The following TSHZ2 variants were observed in gnomAD, a reference collection of about 807,000 sequenced individuals.
TSHZ2 encodes teashirt zinc finger homeobox 2.
Under a neutral mutation model 74.4 loss-of-function variants are expected in TSHZ2, and 21 were observed. The ratio of observed to expected loss-of-function variants is 0.28; its 90% CI spans 0.20 to 0.41. The LOEUF (loss-of-function observed/expected upper bound fraction) is 0.41. Among genes scored for constraint, TSHZ2 ranks in the 10% least tolerant of loss-of-function variants. The probability of loss-of-function intolerance (pLI) is 1.00; values close to 1 mark genes in which losing one functional copy is unlikely to be tolerated. For missense variants in TSHZ2, 1,244 were observed against 1,293.5 expected, an observed-to-expected ratio of 0.96 and a Z score of 0.59; for synonymous variants, 540 against 515.3, an observed-to-expected ratio of 1.05 and a Z score of -0.65.
At chr20:53,245,244 T>C (rs570854533) in intron 1 of TSHZ2, among the ~76,000 whole-genome samples, 1 of 152,338 alleles carries the variant, frequency 6.6e-6, no homozygotes, top group Non-Finnish European at 1.5e-5. Context: ...TCAGTAATTT[T>C]CCCAAGATTG....
intron 1 of TSHZ2, among the ~76,000 whole-genome samples, chr20:53,218,821 A>T (rs975806114): frequency 2.6e-5 from 4 of 152,212 alleles, no homozygotes; most frequent in Non-Finnish European, 4.4e-5. Context: ...ATTCTAAAAT[A>T]TTCATATTTA....
intron 1 of TSHZ2, among the ~76,000 whole-genome samples, chr20:53,112,780 C>T (rs116599127): frequency 0.022 from 3,343 of 152,326 alleles, 116 homozygotes; most frequent in African/African-American, 0.076. Context: ...ATTTCAGCCT[C>T]CCAAAGTGCT....
chr20:53,053,827 C>A (rs1376465365), intron 1 of TSHZ2, among the ~76,000 whole-genome samples: 1 of 152,150 alleles, frequency 6.6e-6, no homozygotes, highest in Non-Finnish European at 1.5e-5. Context: ...GTGTTAGTGG[C>A]AAGTTTATCA....
intron 1 of TSHZ2, among the ~76,000 whole-genome samples, chr20:53,105,028 A>G (rs1986322860): frequency 6.6e-6 from 1 of 152,196 alleles, no homozygotes; most frequent in South Asian, 2.1e-4. Context: ...TCCTAATGCC[A>G]AAGGACGAAG....
At chr20:53,300,890 T>C (rs1462863763) in intron 2 of TSHZ2, among the ~76,000 whole-genome samples, 2 of 152,216 alleles carry the variant, frequency 1.3e-5, no homozygotes, top group East Asian at 3.8e-4. Context: ...TTTGTTTATA[T>C]GGATCAAATA....
chr20:53,468,368 G>A (rs1985623725), intron 2 of TSHZ2, among the ~76,000 whole-genome samples: 1 of 152,076 alleles, frequency 6.6e-6, no homozygotes, highest in African/African-American at 2.4e-5. Flanking sequence ...TGTGCTTTAT[G>A]GAAAAGATTT....
intron 2 of TSHZ2, among the ~76,000 whole-genome samples, chr20:53,363,251 C>T (rs1175634479): frequency 6.6e-6 from 1 of 152,230 alleles, no homozygotes; most frequent in Non-Finnish European, 1.5e-5. Flanking sequence ...AGCTGTGCTT[C>T]CTGGGATCAT....
At chr20:53,077,659 A>T (rs1474947646) in intron 1 of TSHZ2, among the ~76,000 whole-genome samples, 1 of 152,200 alleles carries the variant, frequency 6.6e-6, no homozygotes, top group Non-Finnish European at 1.5e-5. Context: ...AGTCACACAG[A>T]CAGGGTAGTG....
chr20:53,004,301 A>T (rs1051904586), intron 1 of TSHZ2, among the ~76,000 whole-genome samples: 4 of 152,180 alleles, frequency 2.6e-5, no homozygotes, highest in Non-Finnish European at 5.9e-5. Context: ...TTTAGCTGTA[A>T]TTCATTGTGT....
intron 1 of TSHZ2, among the ~76,000 whole-genome samples, chr20:53,180,011 C>T (rs1314275919): frequency 6.6e-6 from 1 of 152,178 alleles, no homozygotes. Context: ...CGCATTTCAC[C>T]AGATGCATAT....
chr20:53,146,106 A>T (rs538989785), intron 1 of TSHZ2, among the ~76,000 whole-genome samples: 1 of 152,006 alleles, frequency 6.6e-6, no homozygotes, highest in Non-Finnish European at 1.5e-5. Context: ...GAGCTTGTGG[A>T]ATACAGATGA....
intron 1 of TSHZ2, among the ~76,000 whole-genome samples, chr20:53,090,292 A>G (rs1392960538): frequency 1.3e-5 from 2 of 152,172 alleles, no homozygotes; most frequent in African/African-American, 2.4e-5. Context: ...ACTGACTCCA[A>G]TGTTAATCTC....
At chr20:53,008,767 C>A (rs935965815) in intron 1 of TSHZ2, among the ~76,000 whole-genome samples, 2 of 151,860 alleles carry the variant, frequency 1.3e-5, no homozygotes, top group African/African-American at 2.4e-5. Flanking sequence ...TAGTGTATAC[C>A]CTTATTCATG....
chr20:53,041,097 CT>C (rs1984024456), intron 1 of TSHZ2, among the ~76,000 whole-genome samples: 2 of 152,180 alleles, frequency 1.3e-5, no homozygotes, highest in Admixed American at 6.5e-5. Flanking sequence ...AGACAGTGGA[CT>C]GAACCTTTTG....
At chr20:53,188,370 G>A (rs1988650974) in intron 1 of TSHZ2, among the ~76,000 whole-genome samples, 1 of 152,150 alleles carries the variant, frequency 6.6e-6, no homozygotes, top group Non-Finnish European at 1.5e-5. Flanking sequence ...AGTTCACCAG[G>A]TTTTCAATGT....
chr20:53,215,567 T>C (rs1989417203), intron 1 of TSHZ2, among the ~76,000 whole-genome samples: 1 of 150,480 alleles, frequency 6.6e-6, no homozygotes, highest in Non-Finnish European at 1.5e-5. Flanking sequence ...GAAGAGACTA[T>C]ATTAAAAATG....
chr20:53,113,299 T>A (rs533561763), intron 1 of TSHZ2, among the ~76,000 whole-genome samples: 1 of 152,252 alleles, frequency 6.6e-6, no homozygotes, highest in Non-Finnish European at 1.5e-5. Context: ...TTCTCCTTTT[T>A]TCTTCTCTTT....
chr20:53,234,974 A>G (rs753882517), intron 1 of TSHZ2, among the ~76,000 whole-genome samples: 1 of 151,992 alleles, frequency 6.6e-6, no homozygotes, highest in African/African-American at 2.4e-5. Context: ...GGATGGGATC[A>G]ATTCATGGAG....
rs1446061138 is a variant in TSHZ2, at chr20:53,408,785, C to T, written c.*9-78359C>T. Among the ~76,000 whole-genome samples the T allele has an allele frequency of 2.6e-5, 4 of 152,218 alleles. 1 individual carries two copies. On this transcript the variant is annotated intron_variant, in intron 2 of 2. Transcript: ENST00000371497. ...GATACAACCCAAAGTTAAGCTGCTT[C>T]CAAACGTATCTTTCACTCTGTATAT...
Sources: gnomAD v4.1 joint callset for allele counts (sites outside exome capture counted in the v4.1 genomes callset) on GRCh38, gnomAD v4.1.1 for gene constraint, MANE v1.5 for transcripts, NCBI Gene and HGNC (gene_info 2026-07-23, HGNC 2026-07-21) for gene names.